Variants in SOX5 observed in about 807,000 individuals in gnomAD.
The protein encoded by SOX5 is SRY-box transcription factor 5, also known as transcription factor SOX-5.
In SOX5, 9 loss-of-function variants were observed where a neutral mutation model predicts 92.0. That is an observed-to-expected ratio of 0.10 (90% confidence interval 0.06 to 0.17). The LOEUF is 0.17. SOX5 is among the 10% of genes least tolerant of loss of function. The pLI, the probability that SOX5 is intolerant of heterozygous loss-of-function variation, is 1.00. For synonymous variants in SOX5, 344 were observed against 336.3 expected, an observed-to-expected ratio of 1.02 and a Z score of -0.25; for missense variants, 642 against 944.5, an observed-to-expected ratio of 0.68 and a Z score of 4.20.
chr12:23,899,763 C>T (rs2097213056), intron 1 of SOX5, among the ~76,000 whole-genome samples: 1 of 152,144 alleles, frequency 6.6e-6, no homozygotes, highest in Non-Finnish European at 1.5e-5. Context: ...AAATCATCAA[C>T]AACTATTTGA....
chr12:24,301,607 A>G (rs1947957727), intron 2 of SOX5, among the ~76,000 whole-genome samples: 1 of 152,208 alleles, frequency 6.6e-6, no homozygotes, highest in African/African-American at 2.4e-5. Flanking sequence ...AGGGAGATGA[A>G]TATTTTGAAT....
At chr12:23,789,167 G>A (rs999546128) in intron 3 of SOX5, among the ~76,000 whole-genome samples, 14 of 151,592 alleles carry the variant, frequency 9.2e-5, no homozygotes, top group Admixed American at 9.2e-4. Context: ...CTGAACGAGT[G>A]ACTAGATCAT....
At chr12:23,795,226 A>G (rs10219523) in intron 3 of SOX5, among the ~76,000 whole-genome samples, 1,730 of 151,872 alleles carry the variant, frequency 0.011, 37 homozygotes, top group African/African-American at 0.04. Flanking sequence ...AGAGTAGTGC[A>G]TTTTTAAAAA....
chr12:23,570,774 G>T (rs1365674165), intron 10 of SOX5, among the ~76,000 whole-genome samples: 1 of 150,788 alleles, frequency 6.6e-6, no homozygotes, highest in Non-Finnish European at 1.5e-5. Flanking sequence ...AGCCGGGCGT[G>T]GTGGCAGGTG....
intron 1 of SOX5, among the ~76,000 whole-genome samples, chr12:24,471,633 A>G (rs1443118854): frequency 6.6e-6 from 1 of 152,216 alleles, no homozygotes; most frequent in African/African-American, 2.4e-5. Flanking sequence ...AGGGGCTGAT[A>G]ATTTAAGATG....
At position 23,979,698 on chromosome 12, in the gene SOX5, G is replaced by GTTTTTTTTTTTTTTTTTTTTTTTTTTTT. The variant is rs67253622; in HGVS notation, c.-1-83675_-1-83674insAAAAAAAAAAAAAAAAAAAAAAAAAAAA. On this transcript the variant is annotated intron_variant, in intron 4 of 4. Coordinates refer to the SOX5 transcript ENST00000446891. ...TTCTTCCTTCCATATATATATATAT[G>GTTTTTTTTTTTTTTTTTTTTTTTTTTTT]TTTTTTTTGTTTTTTTTTTTTTTTT... 1.9e-4 allele frequency among the ~76,000 whole-genome samples: 12 copies of GTTTTTTTTTTTTTTTTTTTTTTTTTTTT among 64,704 alleles called. 5 individuals carry two copies. The highest frequency in any genetic ancestry group is 9.2e-4 in the Admixed American group (3 of 3,250). 42.4% of individuals were successfully genotyped at this position (64,704 alleles called of 152,430 possible).
chr12:24,511,223 A>T (rs1949274938), intron 1 of SOX5, among the ~76,000 whole-genome samples: 1 of 152,192 alleles, frequency 6.6e-6, no homozygotes. Flanking sequence ...TTCAATTTTC[A>T]CTTGTAAATA....
intron 6 of SOX5, among the ~76,000 whole-genome samples, chr12:23,679,517 G>C (rs974208885): frequency 2.0e-5 from 3 of 152,006 alleles, no homozygotes; most frequent in Non-Finnish European, 4.4e-5. Flanking sequence ...TTTCATGAAG[G>C]CTACCTTCCA....
intron 2 of SOX5, among the ~76,000 whole-genome samples, chr12:24,297,859 C>T (rs919553977): frequency 6.6e-6 from 1 of 152,238 alleles, no homozygotes; most frequent in Admixed American, 6.5e-5. Flanking sequence ...CAGCATCCAA[C>T]ATCAATGCGC....
intron 8 of SOX5, among the ~76,000 whole-genome samples, chr12:23,636,951 G>A (rs921571247): frequency 6.6e-6 from 1 of 152,078 alleles, no homozygotes; most frequent in Non-Finnish European, 1.5e-5. Flanking sequence ...AACACAAAAC[G>A]TAATATGAAT....
chr12:24,483,118 T>G (rs1416759044), intron 1 of SOX5, among the ~76,000 whole-genome samples: 1 of 152,212 alleles, frequency 6.6e-6, no homozygotes, highest in Non-Finnish European at 1.5e-5. Context: ...AACAAACCAC[T>G]CATTTGTTGA....
intron 2 of SOX5, among the ~76,000 whole-genome samples, chr12:24,303,631 A>T (rs1288188607): frequency 6.6e-6 from 1 of 152,222 alleles, no homozygotes; most frequent in African/African-American, 2.4e-5. Flanking sequence ...AGTATAAAAG[A>T]TGTCTCTTAA....
intron 2 of SOX5, among the ~76,000 whole-genome samples, chr12:23,881,303 ATC>A (rs1568587129): frequency 6.6e-6 from 1 of 151,970 alleles, no homozygotes; most frequent in Non-Finnish European, 1.5e-5. Flanking sequence ...TCACATGTAA[ATC>A]TCTCTATCCC....
intron 4 of SOX5, among the ~76,000 whole-genome samples, chr12:23,985,593 G>T (rs1949989193): frequency 6.6e-6 from 1 of 151,984 alleles, no homozygotes; most frequent in Admixed American, 6.6e-5. Flanking sequence ...AAATAACAAT[G>T]CTAAGTGAAG....
At chr12:24,485,728 A>T (rs951248762) in intron 1 of SOX5, among the ~76,000 whole-genome samples, 4 of 152,162 alleles carry the variant, frequency 2.6e-5, no homozygotes, top group African/African-American at 7.2e-5. Flanking sequence ...TAATATGATT[A>T]AAAATGTTTT....
chr12:23,687,724 C>A (rs974111766), intron 6 of SOX5, among the ~76,000 whole-genome samples: 1 of 151,962 alleles, frequency 6.6e-6, no homozygotes, highest in Admixed American at 6.6e-5. Flanking sequence ...GTAAAACTAC[C>A]TAAACACACT....
chr12:24,125,050 T>A (rs770397400), intron 4 of SOX5, among the ~76,000 whole-genome samples: 1 of 152,234 alleles, frequency 6.6e-6, no homozygotes, highest in Non-Finnish European at 1.5e-5. Context: ...GAGAGAATTA[T>A]GAATTACATC....
At chr12:23,649,496 C>T (rs2081287607) in intron 7 of SOX5, among the ~76,000 whole-genome samples, 1 of 152,060 alleles carries the variant, frequency 6.6e-6, no homozygotes, top group South Asian at 2.1e-4. Flanking sequence ...AAAGTAATTT[C>T]TTCTACTCTT....
chr12:23,832,255 T>C (rs1428942002), intron 3 of SOX5, among the ~76,000 whole-genome samples: 2 of 152,008 alleles, frequency 1.3e-5, no homozygotes, highest in African/African-American at 4.8e-5. Flanking sequence ...TTTTGGAAAG[T>C]TGTTGTTCAT....
Sources: gnomAD v4.1 joint callset for allele counts (sites outside exome capture counted in the v4.1 genomes callset) on GRCh38, gnomAD v4.1.1 for gene constraint, MANE v1.5 for transcripts, NCBI Gene and HGNC (gene_info 2026-07-23, HGNC 2026-07-21) for gene names.